NBPF12: variants seen among roughly 807,000 people sequenced by gnomAD.
NBPF12 encodes the protein NBPF family member NBPF12.
A neutral mutation model predicts 146.4 loss-of-function variants in NBPF12; 115 were observed. That is an observed-to-expected ratio of 0.79 (90% CI 0.68 to 0.92). NBPF12 has a LOEUF of 0.92. Ranked by LOEUF, NBPF12 falls within the 40% of genes least tolerant of loss-of-function variation. The probability of loss-of-function intolerance (pLI) is 0.00; values close to 1 mark genes in which losing one functional copy is unlikely to be tolerated. For synonymous variants in NBPF12, 385 were observed against 508.9 expected (o/e 0.76, Z 3.28); for missense variants, 1,205 against 1,326.8 (o/e 0.91, Z 1.43).
At chr1:146,958,243 G>C (rs1186273703) in intron 2 of NBPF12, among the ~76,000 whole-genome samples, 1 of 120,748 alleles carries the variant, frequency 8.3e-6, no homozygotes, top group Non-Finnish European at 1.8e-5. Flanking sequence ...TCGCACCGCC[G>C]CTTCTAAATG....
chr1:146,972,600 G>A (rs1242851977), intron 13 of NBPF12, 151 bp from the exon 17 acceptor site: 11 of 759,874 alleles, frequency 1.4e-5, no homozygotes, highest in Non-Finnish European at 2.3e-5. Context: ...ACTTAAAGGA[G>A]ATCAAGACTG....
In NBPF12 at chr1:146,994,423, C is replaced by A. The variant is rs1251912536; in HGVS notation, c.4222C>A (p.Leu1408Ile). The A allele has an allele frequency of 3.1e-6, 5 of 1,612,280 alleles. No homozygotes were observed. The East Asian group carries it at 1.1e-4, about 36-fold the overall frequency. Residue 1408 changes from leucine (L) to isoleucine (I), a missense_variant, in exon 34 of 34, where the codon CTA becomes ATA. Leu to Ile is a conservative substitution (Grantham distance 5). Coordinates refer to ENST00000617844, the Ensembl canonical transcript of NBPF12. ...TTCGACTCCATCAATGTACTTTGAA[C>A]TACCTGACTCATTCCAGCACTACAG...
chr1:146,968,625 C>T (rs1553885941), intron 10 of NBPF12, 75 bp downstream of exon 13: 246 of 1,377,236 alleles, frequency 1.8e-4, no homozygotes, highest in Non-Finnish European at 2.2e-4. Flanking sequence ...GGTGGGGAGA[C>T]TTAAGAGCTA....
chr1:146,965,500 TGGCTG>T (rs1656129946), intron 8 of NBPF12, among the ~76,000 whole-genome samples: 2 of 150,878 alleles, frequency 1.3e-5, no homozygotes, highest in Non-Finnish European at 2.9e-5. Flanking sequence ...TAATAAGTCT[TGGCTG>T]GGCACAGTGG....
intron 31 of NBPF12, among the ~76,000 whole-genome samples, chr1:146,992,462 CTGTGTGTGTGTGTGTG>C (rs1163182082): frequency 1.7e-4 from 11 of 66,240 alleles, no homozygotes; most frequent in South Asian, 6.4e-4. Flanking sequence ...CTCTCTCTCT[CTGTGTGTGTGTGTGTG>C]TGTGTGTGTG....
At position 146,984,806 on chromosome 1, in the gene NBPF12, T is replaced by G; in HGVS notation, c.2667-7T>G. On this transcript the variant is annotated splice_polypyrimidine_tract_variant and splice_region_variant and intron_variant, in intron 21 of 33. Transcript: ENST00000617844. The stretch of plus-strand genomic sequence containing the variant: ...GGCTTATTCTTTACTTTTTCCCACT[T>G]TTCCAGGCTCAGCAGGGAGCTGCTG... The G allele has an allele frequency of 1.4e-6, 2 of 1,447,078 alleles. No individual in the cohort carries two copies. Among genetic ancestry groups the G allele is most frequent in the East Asian group, 2.3e-5 (1 of 44,024 alleles). 89.6% of individuals were successfully genotyped at this position (1,447,078 alleles called of 1,614,324 possible). A position where few individuals can be genotyped will look rare whatever the true frequency, so the allele number is the denominator to read the frequency against.
chr1:146,954,598 T>G (rs1233581920), intron 2 of NBPF12, among the ~76,000 whole-genome samples: 1 of 150,122 alleles, frequency 6.7e-6, no homozygotes, highest in Admixed American at 6.6e-5. Flanking sequence ...TAATAAAAAT[T>G]CCAAGCGGCA....
chr1:146,940,035 GTGT>G (rs1254089863), intron 1 of NBPF12, among the ~76,000 whole-genome samples: 6 of 151,752 alleles, frequency 4.0e-5, no homozygotes, highest in Non-Finnish European at 8.8e-5. Context: ...TTGAGTTACA[GTGT>G]TGTTCATCCT....
chr1:146,965,903 A>G (rs1553885580), intron 8 of NBPF12, among the ~76,000 whole-genome samples: 1 of 145,664 alleles, frequency 6.9e-6, no homozygotes, highest in Admixed American at 7.0e-5. Flanking sequence ...AGCTCAGGAG[A>G]TCGAAACCAG....
chr1:146,984,577 CTGTGTGTGTGTGTGTGTGTGTGTG>C (rs1195588193), intron 21 of NBPF12, among the ~76,000 whole-genome samples: 29 of 132,788 alleles, frequency 2.2e-4, no homozygotes, highest in African/African-American at 7.6e-4. Context: ...TGAGCTCACA[CTGTGTGTGTGTGTGTGTGTGTGTG>C]TGTGTGTGTG....
intron 18 of NBPF12, among the ~76,000 whole-genome samples, chr1:146,977,916 A>G (rs1657149949): frequency 1.3e-5 from 2 of 152,066 alleles, no homozygotes; most frequent in African/African-American, 2.4e-5. Flanking sequence ...CAGGAGGTGC[A>G]CAGGCAGTAT....
At chr1:146,994,501 G>A (rs782088413) in exon 34 of NBPF12, 17 of 1,609,208 alleles carry the variant, frequency 1.1e-5, no homozygotes, top group African/African-American at 1.4e-5. Context: ...CCTTGACATG[G>A]ACAATAGCTT....
intron 19 of NBPF12, among the ~76,000 whole-genome samples, chr1:146,981,196 G>C (rs1217673893): frequency 7.3e-6 from 1 of 136,460 alleles, no homozygotes; most frequent in East Asian, 2.3e-4. Context: ...TGAGTTAATG[G>C]GTGAAGCACA....
chr1:146,967,662 G>A (rs1553885785), intron 9 of NBPF12, among the ~76,000 whole-genome samples: 7,728 of 146,700 alleles, frequency 0.053, 826 homozygotes, highest in African/African-American at 0.19. Context: ...AGCAGGGACC[G>A]TGGGCCTGTC....
At chr1:146,945,738 G>A (rs1383691527), upstream of NBPF12, among the ~76,000 whole-genome samples, 21 of 152,140 alleles carry the variant, frequency 1.4e-4, no homozygotes, top group South Asian at 3.7e-3. Context: ...TCCCCTATTA[G>A]TATATTGTAT....
intron 2 of NBPF12, among the ~76,000 whole-genome samples, chr1:146,958,098 A>G (rs1655687382): frequency 8.4e-6 from 1 of 119,500 alleles, no homozygotes; most frequent in East Asian, 3.1e-4. Flanking sequence ...TTAACTCGTC[A>G]TTTACACTAG....
exon 14 of NBPF12, chr1:146,972,935 C>T: frequency 2.1e-6 from 2 of 942,812 alleles, no homozygotes; most frequent in Non-Finnish European, 3.5e-6. Context: ...TGGCCTGCTT[C>T]CTGGCCAAGC....
intron 8 of NBPF12, among the ~76,000 whole-genome samples, chr1:146,965,822 T>TAAAAA (rs1656165090): frequency 2.4e-5 from 1 of 41,890 alleles, no homozygotes; most frequent in Non-Finnish European, 4.8e-5. Flanking sequence ...AAAAAAAAAG[T>TAAAAA]CTCTGACCAG....
chr1:146,938,557 C>T (rs1654636440), upstream of NBPF12, among the ~76,000 whole-genome samples: 2 of 152,100 alleles, frequency 1.3e-5, no homozygotes, highest in Admixed American at 1.3e-4. Flanking sequence ...TACTCGTTTT[C>T]TCCGCCCGCG....
Sources: gnomAD v4.1 joint callset for allele counts (sites outside exome capture counted in the v4.1 genomes callset) on GRCh38, gnomAD v4.1.1 for gene constraint, MANE v1.5 for transcripts, NCBI Gene and HGNC (gene_info 2026-07-23, HGNC 2026-07-21) for gene names.